Variants in MTSS2 observed in about 807,000 individuals in gnomAD.
The protein encoded by MTSS2 is MTSS I-BAR domain containing 2.
In MTSS2, 27 loss-of-function variants were observed where a neutral mutation model predicts 67.1. The ratio of observed to expected loss-of-function variants is 0.40; its 90% CI spans 0.30 to 0.55. The LOEUF (loss-of-function observed/expected upper bound fraction) is 0.55. MTSS2 is among the 20% of genes least tolerant of loss of function. The pLI, the probability that MTSS2 is intolerant of heterozygous loss-of-function variation, is 0.43. For missense variants in MTSS2, 1,171 were observed against 1,067.8 expected, an observed-to-expected ratio of 1.10 and a Z score of -1.35; for synonymous variants, 624 against 468.6, an observed-to-expected ratio of 1.33 and a Z score of -4.28.
intron 11 of MTSS2, chr16:70,665,920 G>A (rs867706025): frequency 8.0e-4 from 152 of 191,100 alleles, no homozygotes; most frequent in African/African-American, 8.4e-4. Flanking sequence ...GACAGGACAC[G>A]GGGGAAGTGT....
rs1210560572 is a variant in MTSS2 at position 70,678,750 on chromosome 16, C to T, written c.467-341G>A. Among the ~76,000 whole-genome samples, 7 of 152,156 alleles carry T rather than the reference C, an allele frequency of 4.6e-5. No homozygotes were observed. The South Asian group carries it at 8.3e-4, about 18-fold the overall frequency. On this transcript the variant is annotated intron_variant, in intron 7 of 14. Transcript: ENST00000338779. ...GGGTACCCTCACTGACCCGGGATGGCGCCCCTCACCTCACAAGGTCCAGGG... is the reference window on the plus strand; with the variant it reads ...GGGTACCCTCACTGACCCGGGATGGTGCCCCTCACCTCACAAGGTCCAGGG...
chr16:70,685,333 C>T (rs2053418698), intron 1 of MTSS2, among the ~76,000 whole-genome samples: 1 of 152,098 alleles, frequency 6.6e-6, no homozygotes, highest in South Asian at 2.1e-4. Context: ...GTCTGGGCTC[C>T]GGGGCCGTGG....
chr16:70,663,611 C>T lies in MTSS2; in HGVS notation c.*66G>A, dbSNP rs946018200. The T allele has an allele frequency of 4.1e-6, 6 of 1,473,828 alleles. No homozygotes were observed. In the African/African-American group the frequency reaches 7.1e-5, roughly 17 times the overall value. The allele number at this position is 1,473,828 out of a possible 1,614,324, so 91.3% of individuals were successfully genotyped here. On this transcript the variant is annotated 3_prime_UTR_variant, in exon 15 of 15. Coordinates refer to ENST00000338779, the MANE Select transcript of MTSS2 (RefSeq NM_138383.3). ...CCTGGCTGGGCCTTTGCTCTGAGTG[C>T]CTGCGGCTCACAGACCAGGCCACCT...
At chr16:70,674,639 G>T in intron 10 of MTSS2, 111 bp from the exon 11 acceptor site, 1 of 912,274 alleles carries the variant, frequency 1.1e-6, no homozygotes, top group South Asian at 1.6e-5. Context: ...GCAAAGGAAG[G>T]AAAAGACAAT....
chr16:70,680,908 C>CGGGGGGGGTGGGGG, intron 2 of MTSS2, 41 bp from the exon 3 acceptor site: 1 of 1,174,316 alleles, frequency 8.5e-7, no homozygotes, highest in Admixed American at 2.5e-5. Context: ...GGTGGTTGGG[C>CGGGGGGGGTGGGGG]GGGGGGGGGG....
chr16:70,666,658 G>A (rs2052725223), intron 11 of MTSS2, among the ~76,000 whole-genome samples: 2 of 152,188 alleles, frequency 1.3e-5, no homozygotes, highest in Admixed American at 6.5e-5. Flanking sequence ...AAGGAAACCA[G>A]GCACCACCTG....
At chr16:70,672,496 T>C (rs1340696561) in intron 11 of MTSS2, among the ~76,000 whole-genome samples, 1 of 151,918 alleles carries the variant, frequency 6.6e-6, no homozygotes, top group African/African-American at 2.4e-5. Context: ...CCAGTGTTAA[T>C]TTCTTGGTTT....
At position 70,661,695 on chromosome 16, in the gene MTSS2, G is replaced by A. The variant is rs757667398; in HGVS notation, c.*1982C>T. On this transcript the variant is annotated 3_prime_UTR_variant, in exon 15 of 15. Coordinates refer to ENST00000338779, the MANE Select transcript of MTSS2 (RefSeq NM_138383.3). ...ATGGAGTAGAGTATGTACAGCCCCCGGGGCTCACAGGGGAGGGGGACGGCG... is the reference window on the plus strand; with the variant it reads ...ATGGAGTAGAGTATGTACAGCCCCCAGGGCTCACAGGGGAGGGGGACGGCG... The A allele has an allele frequency of 2.0e-5, 5 of 247,870 alleles. No homozygotes were observed. The highest frequency in any genetic ancestry group is 4.4e-5 in the South Asian group (1 of 22,876). The allele number at this position is 247,870 out of a possible 1,614,324, so 15.4% of individuals were successfully genotyped here.
chr16:70,665,676 C>A (rs79962739), intron 11 of MTSS2, 136 bp from the exon 12 acceptor site: 9 of 684,896 alleles, frequency 1.3e-5, no homozygotes, highest in Non-Finnish European at 1.9e-5. Context: ...CAGCACCCAC[C>A]CCCCCTACCC....
chr16:70,679,933 T>TGCCCCCCCCCC, intron 4 of MTSS2, 38 bp downstream of exon 4: 1 of 1,149,454 alleles, frequency 8.7e-7, no homozygotes, highest in Non-Finnish European at 1.2e-6. Flanking sequence ...CGACGCCCCG[T>TGCCCCCCCCCC]CCCCCCGCCC....
chr16:70,683,023 G>T (rs1276315769), intron 1 of MTSS2, among the ~76,000 whole-genome samples: 3 of 152,202 alleles, frequency 2.0e-5, no homozygotes, highest in Non-Finnish European at 2.9e-5. Flanking sequence ...AGGCGGCAGG[G>T]ACTGCTGGGA....
rs75391648 is a variant in MTSS2, at chr16:70,661,386, G to A, written c.*2291C>T. ...TTCAGATGGGACGGAGGGTGGGGGA[G>A]GGGGGGAGGGTGAGTAGGAACCAGG... On this transcript the variant is annotated 3_prime_UTR_variant, in exon 15 of 15. Coordinates refer to ENST00000338779, the MANE Select transcript of MTSS2 (RefSeq NM_138383.3). The A allele has an allele frequency of 8.3e-6, 3 of 360,988 alleles. No individual in the cohort carries two copies. The highest frequency in any genetic ancestry group is 5.3e-6 in the Non-Finnish European group (1 of 189,926). 22.4% of individuals were successfully genotyped at this position (360,988 alleles called of 1,614,324 possible).
In MTSS2 at chr16:70,664,779, T is replaced by G. The variant is rs1349725897; in HGVS notation, c.1306-16A>C. On this transcript the variant is annotated splice_polypyrimidine_tract_variant and intron_variant, in intron 13 of 14. Coordinates refer to ENST00000338779, the MANE Select transcript of MTSS2 (RefSeq NM_138383.3). ...CCTCACCGTGCTGAGGGTGGGAAAG[T>G]GCAGGCTGAAGCCTTGCGCCCCCAA... The G allele has an allele frequency of 1.2e-6, 2 of 1,601,140 alleles. No individual in the cohort carries two copies. Among genetic ancestry groups the G allele is most frequent in the South Asian group, 1.1e-5 (1 of 89,474 alleles).
Position 70,684,770 on chromosome 16 carries a change from C to T in MTSS2, c.69+953G>A, listed in dbSNP as rs150899443. Among the ~76,000 whole-genome samples the T allele has an allele frequency of 3.7e-3, 571 of 152,314 alleles. 1 individual carries two copies. The highest frequency in any genetic ancestry group is 0.013 in the African/African-American group (543 of 41,566). The stretch of plus-strand genomic sequence containing the variant: ...GGCAGGAATACTGGTTCCTGGCCCC[C>T]ACCCTATCACTGGAGCTGGGCCCTC... On this transcript the variant is annotated intron_variant, in intron 1 of 14. Transcript: ENST00000338779.
chr16:70,684,897 G>A (rs1275408797), intron 1 of MTSS2, among the ~76,000 whole-genome samples: 1 of 152,158 alleles, frequency 6.6e-6, no homozygotes, highest in African/African-American at 2.4e-5. Context: ...TGAGGTCAGG[G>A]GAAGGGTCCA....
intron 9 of MTSS2, among the ~76,000 whole-genome samples, chr16:70,677,465 G>A (rs1306504073): frequency 1.3e-5 from 2 of 152,118 alleles, no homozygotes; most frequent in African/African-American, 2.4e-5. Flanking sequence ...GGGGTTTCTG[G>A]CCATGAAGGG....
rs1341773499 is a variant in MTSS2 at position 70,663,728 on chromosome 16, G to T, written c.2193C>A (p.Val731=). ...EDMLVAIRRG[V]RLRRTVTNDR... ...CGTTGGTGACGGTCCTGCGGAGCCG[G>T]ACCCCACGCCGGATGGCCACCAGCA... The change falls in exon 15 of 15, where the codon GTC becomes GTA. Residue 731 remains valine, a synonymous_variant. Transcript: ENST00000338779. 6.3e-7 allele frequency: 1 copy of T among 1,581,744 alleles called. No individual in the cohort carries two copies.
intron 10 of MTSS2, 21 bp downstream of exon 10, chr16:70,676,860 G>T (rs770229936): frequency 4.4e-5 from 70 of 1,607,298 alleles, no homozygotes; most frequent in South Asian, 2.8e-4. Flanking sequence ...CCACACCCCT[G>T]GGAACCCCAC....
At position 70,663,999 on chromosome 16, in the gene MTSS2, G is replaced by A; in HGVS notation, c.1922C>T (p.Pro641Leu). 6.3e-7 allele frequency: 1 copy of A among 1,596,522 alleles called. No homozygotes were observed. The highest frequency in any genetic ancestry group is 1.1e-5 in the South Asian group (1 of 88,534). Residue 641 changes from proline to leucine, a missense_variant, in exon 15 of 15, where the codon CCC becomes CTC. By Grantham distance (98) the Pro-to-Leu change is moderately conservative (BLOSUM62 -3). Transcript: ENST00000338779. ...AKASPKRLSL[P>L]NTAWGSPSPE... ...GGATGGGCTGCCCCAGGCTGTGTTG[G>A]GCAGGCTGAGCCTCTTTGGGGAGGC...
Sources: gnomAD v4.1 joint callset for allele counts (sites outside exome capture counted in the v4.1 genomes callset) on GRCh38, gnomAD v4.1.1 for gene constraint, MANE v1.5 for transcripts, NCBI Gene and HGNC (gene_info 2026-07-23, HGNC 2026-07-21) for gene names.